TMEM266: variants seen among roughly 807,000 people sequenced by gnomAD.
The protein encoded by TMEM266 is Hv1 related protein 1.
A neutral mutation model predicts 50.5 loss-of-function variants in TMEM266; 33 were observed. The ratio of observed to expected loss-of-function variants is 0.65; its 90% CI spans 0.50 to 0.87. The LOEUF (loss-of-function observed/expected upper bound fraction) is 0.87, where lower values mean the gene tolerates loss of function less well. Ranked by LOEUF, TMEM266 falls within the 40% of genes least tolerant of loss-of-function variation. The probability of loss-of-function intolerance (pLI) is 0.00; values close to 1 mark genes in which losing one functional copy is unlikely to be tolerated. For synonymous variants in TMEM266, 310 were observed against 292.3 expected (o/e 1.06, Z -0.62); for missense variants, 655 against 695.1 (o/e 0.94, Z 0.65).
At chr15:76,067,741 C>G (rs965732251) in intron 1 of TMEM266, among the ~76,000 whole-genome samples, 5 of 150,664 alleles carry the variant, frequency 3.3e-5, no homozygotes, top group African/African-American at 1.2e-4. Context: ...ATAACACATC[C>G]TGTGACTGTT....
intron 1 of TMEM266, among the ~76,000 whole-genome samples, chr15:76,075,992 G>T (rs1312430195): frequency 1.3e-5 from 2 of 151,040 alleles, no homozygotes; most frequent in African/African-American, 4.9e-5. Flanking sequence ...GAGTAGCTGG[G>T]ACCACAGGTA....
chr15:76,164,190 C>T (rs1167881110), intron 5 of TMEM266, among the ~76,000 whole-genome samples: 2 of 152,122 alleles, frequency 1.3e-5, no homozygotes, highest in Non-Finnish European at 2.9e-5. Flanking sequence ...GGTTCATCCA[C>T]GATGTAGCAC....
At chr15:76,117,493 C>T (rs970378507) in intron 1 of TMEM266, among the ~76,000 whole-genome samples, 1 of 152,150 alleles carries the variant, frequency 6.6e-6, no homozygotes. Context: ...CCACCTCCCA[C>T]GTAGCCTGGG....
intron 1 of TMEM266, among the ~76,000 whole-genome samples, chr15:76,073,919 G>T (rs547263514): frequency 1.3e-5 from 2 of 151,162 alleles, no homozygotes; most frequent in African/African-American, 4.9e-5. Flanking sequence ...AGATGAGGCC[G>T]TTGAAATTGA....
intron 1 of TMEM266, among the ~76,000 whole-genome samples, chr15:76,133,458 A>T (rs1031047986): frequency 5.9e-5 from 9 of 152,156 alleles, no homozygotes; most frequent in Admixed American, 4.6e-4. Context: ...TAAATAAAAT[A>T]AATAATAATA....
At chr15:76,200,605 C>T (rs879464498) in intron 9 of TMEM266, among the ~76,000 whole-genome samples, 12 of 152,172 alleles carry the variant, frequency 7.9e-5, no homozygotes, top group Non-Finnish European at 1.5e-4. Context: ...GGAGTCCCTG[C>T]GGGTGTGGTC....
At position 76,108,156 on chromosome 15, in the gene TMEM266, G is replaced by C. The variant is rs534567196; in HGVS notation, c.-96-26012G>C. Among the ~76,000 whole-genome samples, 18 of 152,352 alleles carry C rather than the reference G, an allele frequency of 1.2e-4. No individual in the cohort carries two copies. In the South Asian group the frequency reaches 1.2e-3, roughly 11 times the overall value. ...AGCTTCTATCTCAGGGTCATGCTCT[G>C]TCGTGACAACTTGAGCCATTTCCCT... is the stretch of plus-strand genomic sequence containing the variant. On this transcript the variant is annotated intron_variant, in intron 1 of 10. Transcript: ENST00000388942.
chr15:76,093,575 C>T (rs989655432), intron 1 of TMEM266, among the ~76,000 whole-genome samples: 2 of 152,032 alleles, frequency 1.3e-5, no homozygotes, highest in South Asian at 2.1e-4. Context: ...AATAAACATA[C>T]GTGTGCATGT....
chr15:76,192,042 C>T lies in TMEM266; in HGVS notation c.843C>T (p.Leu281=), dbSNP rs766636831. The stretch of plus-strand genomic sequence containing the variant: ...TGGCTGCCGAGCGCGAAGCGGCGCT[C>T]CAGGCCCCGCACGTGCTCAGCCAGC... Residue 281 remains leucine, a synonymous_variant, in exon 9 of 11, where the codon CTC becomes CTT. Coordinates refer to ENST00000388942, the MANE Select transcript of TMEM266 (RefSeq NM_152335.3). The T allele has an allele frequency of 9.6e-6, 15 of 1,554,508 alleles. No individual in the cohort carries two copies. In the South Asian group the frequency reaches 1.8e-4, roughly 18 times the overall value.
At position 76,145,291 on chromosome 15, in the gene TMEM266, T is replaced by C. The variant is rs116101031; in HGVS notation, c.227+7396T>C. 2.0e-3 allele frequency among the ~76,000 whole-genome samples: 305 copies of C among 152,274 alleles called. 1 individual carries two copies. Among genetic ancestry groups the C allele is most frequent in the African/African-American group, 7.1e-3 (297 of 41,540 alleles). ...AATGAGCCACATGTACACTTCGGCT[T>C]ATTTACAAGCACCCCAGGCCTCCTT... On this transcript the variant is annotated intron_variant, in intron 3 of 10. Coordinates refer to ENST00000388942, the MANE Select transcript of TMEM266 (RefSeq NM_152335.3).
intron 1 of TMEM266, among the ~76,000 whole-genome samples, chr15:76,071,597 G>A (rs562073885): frequency 6.6e-6 from 1 of 152,282 alleles, no homozygotes; most frequent in Admixed American, 6.5e-5. Context: ...AACCATAGCT[G>A]CATCCCATGG....
In TMEM266 at chr15:76,160,701, TG is replaced by T. The variant is rs1004083905; in HGVS notation, c.456+534del. Among the ~76,000 whole-genome samples the T allele has an allele frequency of 6.6e-6, 1 of 152,150 alleles. No homozygotes were observed. Among genetic ancestry groups the T allele is most frequent in the African/African-American group, 2.4e-5 (1 of 41,438 alleles). The stretch of plus-strand genomic sequence containing the variant: ...CCCTGGGTCTGACAGGGCCGAAAGA[TG>T]TGCCTCTCAGTGTGAGTGCGAGGCT... On this transcript the variant is annotated intron_variant, in intron 5 of 10. Transcript: ENST00000388942. This position sits in a 1 kb window ranked among gnomAD's most constrained non-coding sequence, Gnocchi z 5.7.
At chr15:76,066,289 A>G (rs1374302939) in intron 1 of TMEM266, among the ~76,000 whole-genome samples, 1 of 152,204 alleles carries the variant, frequency 6.6e-6, no homozygotes, top group African/African-American at 2.4e-5. Flanking sequence ...TCAACACCAC[A>G]GGGAGAGTTA....
At chr15:76,104,301 C>T (rs557887559) in intron 1 of TMEM266, among the ~76,000 whole-genome samples, 1 of 152,176 alleles carries the variant, frequency 6.6e-6, no homozygotes, top group South Asian at 2.1e-4. Flanking sequence ...TCTTTAAATT[C>T]AAAATGAATT....
intron 1 of TMEM266, among the ~76,000 whole-genome samples, chr15:76,082,316 A>C (rs1185551375): frequency 6.6e-6 from 1 of 152,162 alleles, no homozygotes; most frequent in African/African-American, 2.4e-5. Context: ...TCTTTGGCTC[A>C]TGGTTCTGCA....
At chr15:76,124,813 C>T (rs1309644558) in intron 1 of TMEM266, among the ~76,000 whole-genome samples, 1 of 151,902 alleles carries the variant, frequency 6.6e-6, no homozygotes, top group African/African-American at 2.4e-5. Context: ...AACAAAAATT[C>T]CAATGGCACT....
intron 1 of TMEM266, among the ~76,000 whole-genome samples, chr15:76,125,711 G>A (rs577215540): frequency 6.6e-6 from 1 of 152,170 alleles, no homozygotes; most frequent in African/African-American, 2.4e-5. Flanking sequence ...AGCCAGGCCT[G>A]GTGGCACATG....
intron 1 of TMEM266, among the ~76,000 whole-genome samples, chr15:76,124,865 A>G (rs984865171): frequency 6.6e-6 from 1 of 152,082 alleles, no homozygotes; most frequent in Non-Finnish European, 1.5e-5. Flanking sequence ...GTATGGAACC[A>G]CAAAAGACCC....
Position 76,204,167 on chromosome 15 carries a change from G to A in TMEM266, c.1448G>A (p.Ser483Asn), listed in dbSNP as rs748868524. The change falls in exon 11 of 11, where the codon AGT becomes AAT. Residue 483 changes from serine to asparagine, a missense_variant. Transcript: ENST00000388942. ...AGCCCCGAGCTGGAACACAGGGTAA[G>A]TCTGTTCAACCAGAAGAACCAGGAG... 6.2e-7 allele frequency: 1 copy of A among 1,613,626 alleles called. No homozygotes were observed. The highest frequency in any genetic ancestry group is 8.5e-7 in the Non-Finnish European group (1 of 1,180,018).
Sources: allele counts gnomAD v4.1 joint callset (sites outside exome capture counted in the v4.1 genomes callset), GRCh38; gene constraint gnomAD v4.1.1; non-coding constraint Gnocchi (gnomAD v3.1); transcripts MANE v1.5; gene names NCBI Gene and HGNC (gene_info 2026-07-23, HGNC 2026-07-21).